The following PDLIM3 variants were observed in gnomAD, a reference collection of about 807,000 sequenced individuals.
PDLIM3 encodes the protein PDZ and LIM domain 3.
A neutral mutation model predicts 37.3 loss-of-function variants in PDLIM3; 36 were observed. That is an observed-to-expected ratio of 0.97 (90% CI 0.74 to 1.28). PDLIM3 has a LOEUF of 1.28. PDLIM3 is among the 50% of genes most tolerant of loss of function. The probability of loss-of-function intolerance (pLI) is 0.00; values close to 1 mark genes in which losing one functional copy is unlikely to be tolerated. For missense variants in PDLIM3, 454 were observed against 485.0 expected, an observed-to-expected ratio of 0.94 and a Z score of 0.60; for synonymous variants, 174 against 182.4, an observed-to-expected ratio of 0.95 and a Z score of 0.37.
At chr4:185,526,943 C>T (rs191876649) in intron 1 of PDLIM3, among the ~76,000 whole-genome samples, 45 of 152,292 alleles carry the variant, frequency 3.0e-4, no homozygotes, top group Admixed American at 2.4e-3. Flanking sequence ...CCATTACATC[C>T]TATTTCCTTA....
chr4:185,528,778 A>G (rs2095738723), intron 1 of PDLIM3, among the ~76,000 whole-genome samples: 1 of 152,266 alleles, frequency 6.6e-6, no homozygotes, highest in Non-Finnish European at 1.5e-5. Flanking sequence ...GAGAGGAATG[A>G]GAGAGAAGGA....
At chr4:185,503,508 C>T (rs1055549874) in intron 7 of PDLIM3, among the ~76,000 whole-genome samples, 8 of 152,150 alleles carry the variant, frequency 5.3e-5, no homozygotes, top group Admixed American at 2.0e-4. Flanking sequence ...CCTGGCTAAC[C>T]GGACAGAGGA....
intron 1 of PDLIM3, 91 bp downstream of exon 1, chr4:185,535,250 TG>T: frequency 8.3e-7 from 1 of 1,204,658 alleles, no homozygotes; most frequent in Non-Finnish European, 1.2e-6. Flanking sequence ...GCGCGCTTTC[TG>T]GCCGCCCTCG....
At position 185,502,453 on chromosome 4, in the gene PDLIM3, G is replaced by C. The variant is rs2153330612; in HGVS notation, c.936C>G (p.Tyr312Ter). The change falls in exon 8 of 8, where the codon TAC (tyrosine) becomes TAG (stop). Residue 312 changes from tyrosine (Y) to a stop codon, truncating the protein, a stop_gained. Coordinates refer to ENST00000284767, the MANE Select transcript of PDLIM3 (RefSeq NM_014476.6). LOFTEE classifies it high-confidence loss of function. The part of the protein sequence containing the change: ...VGAVVKARDK[Y>*]RHPECFVCAD... ...CACACACGAAGCACTCAGGGTGCCG[G>C]TACTTATCCCGCGCCTTCACCACAG... is the stretch of plus-strand genomic sequence containing the variant. 2 of 1,614,188 alleles carry C rather than the reference G, an allele frequency of 1.2e-6. No individual in the cohort carries two copies. The highest frequency in any genetic ancestry group is 2.2e-5 in the South Asian group (2 of 91,082).
rs2095693990 is a variant in PDLIM3, at chr4:185,504,816, G to A, written c.794-230C>T. 6.6e-6 allele frequency among the ~76,000 whole-genome samples: 1 copy of A among 152,166 alleles called. No individual in the cohort carries two copies. ...GGTTGGAGGAAACTGTTACAAAAAC[G>A]CTCAAAGGAGCAGAGGGCATTATTA... On this transcript the variant is annotated intron_variant, in intron 6 of 7. Transcript: ENST00000284767. The surrounding 1 kb of genome is among the most constrained non-coding windows in gnomAD (Gnocchi z 4.7).
intron 6 of PDLIM3, among the ~76,000 whole-genome samples, chr4:185,505,180 T>G (rs2095694620): frequency 6.6e-6 from 1 of 152,240 alleles, no homozygotes; most frequent in South Asian, 2.1e-4. Context: ...GTTTGCAAAG[T>G]TCATTCATGG....
intron 2 of PDLIM3, among the ~76,000 whole-genome samples, chr4:185,524,707 C>A (rs777488093): frequency 2.0e-5 from 3 of 152,164 alleles, no homozygotes; most frequent in Admixed American, 6.6e-5. Flanking sequence ...AGTGATATAA[C>A]TAGTTGTGTT....
intron 1 of PDLIM3, among the ~76,000 whole-genome samples, chr4:185,530,306 TGTAGTTTATATTACATGAAATTTCAAAA>T (rs2095741749): frequency 6.6e-6 from 1 of 152,258 alleles, no homozygotes; most frequent in African/African-American, 2.4e-5. Flanking sequence ...AAACTTCAAA[TGTAGTTTATATTACATGAAATTTCAAAA>T]GTAGTTTATG....
rs142055691 is a variant in PDLIM3, at chr4:185,501,048, A to C, written c.*1246T>G. ...AGTTCCTGTACGTCCCCAGTGGGGG[A>C]CATGGAAAGTAGGTGAGAGATGCAA... On this transcript the variant is annotated 3_prime_UTR_variant, in exon 8 of 8. Coordinates refer to ENST00000284767, the MANE Select transcript of PDLIM3 (RefSeq NM_014476.6). 0.02 allele frequency: 3,064 copies of C among 152,288 alleles called. 46 individuals carry two copies. The highest frequency in any genetic ancestry group is 0.051 in the Middle Eastern group (15 of 294). 9.4% of individuals were successfully genotyped at this position (152,288 alleles called of 1,614,324 possible).
chr4:185,506,426 T>C (rs1419671168), intron 6 of PDLIM3, 96 bp downstream of exon 6: 21 of 1,528,508 alleles, frequency 1.4e-5, no homozygotes, highest in Non-Finnish European at 1.5e-5. Context: ...AACCAAGTTT[T>C]AGACTTTCAT....
chr4:185,527,315 T>A (rs2095736023), intron 1 of PDLIM3, among the ~76,000 whole-genome samples: 1 of 152,238 alleles, frequency 6.6e-6, no homozygotes, highest in South Asian at 2.1e-4. Context: ...ATTCATTTGC[T>A]TTTTCTTTAT....
rs1489047403 is a variant in PDLIM3, at chr4:185,514,008, G to A, written c.398+262C>T. The A allele has an allele frequency of 7.5e-6, 10 of 1,331,542 alleles. No individual in the cohort carries two copies. The highest frequency in any genetic ancestry group is 3.0e-5 in the African/African-American group (2 of 66,986). 82.5% of individuals were successfully genotyped at this position (1,331,542 alleles called of 1,614,324 possible). A position where few individuals can be genotyped will look rare whatever the true frequency, so the allele number is the denominator to read the frequency against. On this transcript the variant is annotated intron_variant, in intron 4 of 7. Transcript: ENST00000284767. This position sits in a 1 kb window ranked among gnomAD's most constrained non-coding sequence, Gnocchi z 4.0. ...CAGTGTTCTGGATGGGATCCCCAGA[G>A]CCTCAGGGGTGTTCGCTATAAATAC...
intron 4 of PDLIM3, chr4:185,513,168 G>A (rs899079360): frequency 3.1e-6 from 3 of 982,758 alleles, no homozygotes; most frequent in Non-Finnish European, 3.6e-6. Flanking sequence ...CTGAGCTCAC[G>A]TTCTAGGGGG....
chr4:185,535,282 T>TC lies in PDLIM3; in HGVS notation c.93+59dup, dbSNP rs1444646571. 1.5e-5 allele frequency: 22 copies of TC among 1,441,976 alleles called. No individual in the cohort carries two copies. The East Asian group carries it at 2.8e-4, about 18-fold the overall frequency. The allele number at this position is 1,441,976 out of a possible 1,614,324, so 89.3% of individuals were successfully genotyped here. ...CCTCGGCCCCGGGGCATCCACTGCGTCCCCCCGGACGCCGCCGGAGTCCCC... is the reference window on the plus strand; with the variant it reads ...CCTCGGCCCCGGGGCATCCACTGCGTCCCCCCCGGACGCCGCCGGAGTCCCC... On this transcript the variant is annotated intron_variant, in intron 1 of 7. Transcript: ENST00000284767.
Position 185,523,442 on chromosome 4 carries a change from C to T in PDLIM3, c.250G>A (p.Glu84Lys). 1.3e-6 allele frequency: 2 copies of T among 1,591,792 alleles called. No homozygotes were observed. Among genetic ancestry groups the T allele is most frequent in the East Asian group, 2.2e-5 (1 of 44,722 alleles). Residue 84 changes from glutamate (E) to lysine (K), a missense_variant, in exon 3 of 8, where the codon GAA (glutamate) becomes AAA (lysine). By Grantham distance (56) the Glu-to-Lys change is moderately conservative (BLOSUM62 1). Transcript: ENST00000284767. Reference protein sequence around the residue: ...HQLCLKIDRGETHLWSPQVSE... With the variant: ...HQLCLKIDRGKTHLWSPQVSE... ...ACTTGTGGAGACCATAAGTGAGTTT[C>T]TCCCCTGGAAATAAAATAAAATTTG...
Position 185,535,442 on chromosome 4 carries a change from T to G in PDLIM3, c.-8A>C. 6.3e-7 allele frequency: 1 copy of G among 1,581,792 alleles called. No homozygotes were observed. Among genetic ancestry groups the G allele is most frequent in the Non-Finnish European group, 8.6e-7 (1 of 1,165,600 alleles). On this transcript the variant is annotated 5_prime_UTR_variant, in exon 1 of 8. Transcript: ENST00000284767. ...GATCACCGTCTGGGGCATGCCGCCTTCCTCCCGCCCACCGGGCTCTAAGTG... is the reference window on the plus strand; with the variant it reads ...GATCACCGTCTGGGGCATGCCGCCTGCCTCCCGCCCACCGGGCTCTAAGTG...
intron 5 of PDLIM3, among the ~76,000 whole-genome samples, chr4:185,507,677 A>G (rs536037523): frequency 6.6e-6 from 1 of 152,330 alleles, no homozygotes; most frequent in Non-Finnish European, 1.5e-5. Flanking sequence ...TGGCAAAAGT[A>G]CTGTGAACAA....
intron 1 of PDLIM3, among the ~76,000 whole-genome samples, chr4:185,532,530 A>T (rs2095746435): frequency 6.6e-6 from 1 of 152,192 alleles, no homozygotes; most frequent in Non-Finnish European, 1.5e-5. Flanking sequence ...GAAAAATGGT[A>T]TCAGGAGCAA....
intron 1 of PDLIM3, among the ~76,000 whole-genome samples, chr4:185,528,137 T>C (rs1265824345): frequency 6.6e-6 from 1 of 152,242 alleles, no homozygotes; most frequent in Non-Finnish European, 1.5e-5. Context: ...TTTTAGAGCC[T>C]AACTTAGCTT....
Sources: gnomAD v4.1 joint callset for allele counts (sites outside exome capture counted in the v4.1 genomes callset) on GRCh38, gnomAD v4.1.1 for gene constraint, Gnocchi (gnomAD v3.1) non-coding constraint, MANE v1.5 for transcripts, NCBI Gene and HGNC (gene_info 2026-07-23, HGNC 2026-07-21) for gene names.